OXSR1: variants seen among roughly 807,000 people sequenced by gnomAD.
OXSR1 encodes the protein serine/threonine-protein kinase OSR1.
OXSR1 carries 24 observed loss-of-function variants against 79.8 expected under a neutral mutation model. The observed-to-expected ratio is 0.30, with a 90% CI of 0.22 to 0.42. OXSR1 has a LOEUF of 0.42. Among genes scored for constraint, OXSR1 ranks in the 10% least tolerant of loss-of-function variants. The probability of loss-of-function intolerance (pLI) is 1.00; values close to 1 mark genes in which losing one functional copy is unlikely to be tolerated. For synonymous variants in OXSR1, 226 were observed against 209.2 expected, an observed-to-expected ratio of 1.08 and a Z score of -0.69; for missense variants, 430 against 618.4, an observed-to-expected ratio of 0.70 and a Z score of 3.23.
In OXSR1 at chr3:38,216,092, A is replaced by G. The variant is rs199875833; in HGVS notation, c.435-4A>G. The G allele has an allele frequency of 1.9e-5, 26 of 1,377,154 alleles. No homozygotes were observed. The African/African-American group carries it at 3.5e-4, about 18-fold the overall frequency. 85.3% of individuals were successfully genotyped at this position (1,377,154 alleles called of 1,614,324 possible). ...GATACATAACTTTTTTTTTTTTTTTAAAGAGATGTGAAAGCTGGAAACATT... is the reference window on the plus strand; with the variant it reads ...GATACATAACTTTTTTTTTTTTTTTGAAGAGATGTGAAAGCTGGAAACATT... On this transcript the variant is annotated splice_region_variant and splice_polypyrimidine_tract_variant and intron_variant, in intron 4 of 17. Coordinates refer to ENST00000311806, the MANE Select transcript of OXSR1 (RefSeq NM_005109.3).
intron 11 of OXSR1, among the ~76,000 whole-genome samples, chr3:38,241,195 A>G (rs1287846820): frequency 6.6e-6 from 1 of 152,204 alleles, no homozygotes. Context: ...CATGGGATAC[A>G]GTAAGAAGGA....
intron 4 of OXSR1, among the ~76,000 whole-genome samples, chr3:38,206,842 A>G (rs1266987732): frequency 6.6e-6 from 1 of 152,222 alleles, no homozygotes. Flanking sequence ...GACTGCCTAG[A>G]TTCAGATCCC....
At chr3:38,236,520 C>A in intron 10 of OXSR1, 1 of 173,800 alleles carries the variant, frequency 5.8e-6, no homozygotes. Flanking sequence ...ATTTTGAGCA[C>A]CCAAAACCTC....
chr3:38,217,555 T>C (rs1183081963), intron 5 of OXSR1, among the ~76,000 whole-genome samples: 1 of 152,162 alleles, frequency 6.6e-6, no homozygotes, highest in African/African-American at 2.4e-5. Context: ...TTTGAGACAG[T>C]CTCGCTCTGT....
chr3:38,252,660 C>G (rs928964830), intron 17 of OXSR1, among the ~76,000 whole-genome samples, 157 bp from the exon 18 acceptor site: 1 of 152,170 alleles, frequency 6.6e-6, no homozygotes, highest in African/African-American at 2.4e-5. Context: ...ACCCAGCCCC[C>G]CTCTTTTCTG....
In OXSR1 at chr3:38,249,971, C is replaced by A; in HGVS notation, c.1328C>A (p.Ser443Tyr). The A allele has an allele frequency of 6.3e-7, 1 of 1,576,300 alleles. No homozygotes were observed. ...CATTCTGCTTTCTTTCATAGGAATT[C>A]CAAAAAAGAACTAAATGATATTCGA... ...PISLVLRLRN[S>Y]KKELNDIRFE... Residue 443 changes from serine to tyrosine, a missense_variant, in exon 15 of 18, where the codon TCC becomes TAC. Physicochemically the swap from Ser to Tyr is moderately radical, Grantham distance 144 (BLOSUM62 -2). Coordinates refer to ENST00000311806, the MANE Select transcript of OXSR1 (RefSeq NM_005109.3).
intron 2 of OXSR1, among the ~76,000 whole-genome samples, chr3:38,188,605 A>G (rs1701926706): frequency 6.6e-6 from 1 of 152,172 alleles, no homozygotes; most frequent in South Asian, 2.1e-4. Flanking sequence ...TCCAAGGGTA[A>G]TTTATGAAAA....
intron 4 of OXSR1, 28 bp from the exon 5 acceptor site, chr3:38,216,068 A>G (rs760469522): frequency 2.9e-6 from 4 of 1,393,776 alleles, no homozygotes; most frequent in Admixed American, 3.8e-5. Context: ...ATGTTTTTTG[A>G]TACATAACTT....
At chr3:38,172,881 G>A (rs1483108901) in intron 1 of OXSR1, among the ~76,000 whole-genome samples, 2 of 152,226 alleles carry the variant, frequency 1.3e-5, no homozygotes, top group East Asian at 3.8e-4. Context: ...GGAGGTGGCA[G>A]CCTAGGTGCT....
At position 38,177,333 on chromosome 3, in the gene OXSR1, A is replaced by G. The variant is rs116539547; in HGVS notation, c.71-5670A>G. Among the ~76,000 whole-genome samples the G allele has an allele frequency of 7.6e-3, 1,160 of 152,286 alleles. 15 individuals are homozygous for G. Among genetic ancestry groups the G allele is most frequent in the African/African-American group, 0.026 (1,083 of 41,556 alleles). ...TAATTAAGAGAGGATGGGATCTGAG[A>G]GGGAGGGAACTTAATGGCAAACACT... On this transcript the variant is annotated intron_variant, in intron 1 of 17. Transcript: ENST00000311806.
At chr3:38,252,228 C>T (rs1288121010) in intron 16 of OXSR1, 100 bp from the exon 17 acceptor site, 8 of 817,292 alleles carry the variant, frequency 9.8e-6, no homozygotes, top group Admixed American at 5.2e-5. Flanking sequence ...TTTGATTGTA[C>T]GGAGCATATT....
chr3:38,201,342 G>T (rs2125821588), intron 4 of OXSR1, among the ~76,000 whole-genome samples: 1 of 151,480 alleles, frequency 6.6e-6, no homozygotes, highest in South Asian at 2.1e-4. Context: ...CGGGCGGATT[G>T]CTTGAGCCCA....
chr3:38,241,351 G>A (rs1403278318), intron 11 of OXSR1, among the ~76,000 whole-genome samples: 1 of 152,014 alleles, frequency 6.6e-6, no homozygotes, highest in African/African-American at 2.4e-5. Flanking sequence ...TCTAAGAAAC[G>A]TGAAAACTAC....
intron 4 of OXSR1, among the ~76,000 whole-genome samples, chr3:38,205,573 G>T (rs910216593): frequency 1.3e-5 from 2 of 152,188 alleles, no homozygotes; most frequent in African/African-American, 4.8e-5. Flanking sequence ...TATCTAGACT[G>T]CTACAACAGG....
intron 16 of OXSR1, 58 bp downstream of exon 16, chr3:38,251,529 A>AT (rs1703256813): frequency 7.3e-7 from 1 of 1,366,874 alleles, no homozygotes; most frequent in Non-Finnish European, 1.0e-6. Flanking sequence ...TACTTAGTAC[A>AT]TAGAAAAGCA....
At chr3:38,171,439 A>T (rs1339060833) in intron 1 of OXSR1, among the ~76,000 whole-genome samples, 1 of 152,234 alleles carries the variant, frequency 6.6e-6, no homozygotes, top group Non-Finnish European at 1.5e-5. Flanking sequence ...TATTCTAGAG[A>T]AATCAGTGTA....
intron 11 of OXSR1, among the ~76,000 whole-genome samples, chr3:38,240,504 T>C (rs78131233): frequency 0.011 from 1,659 of 152,198 alleles, 22 homozygotes; most frequent in Middle Eastern, 0.031. Context: ...ATTTCTCAGC[T>C]TTGTCCACTG....
intron 11 of OXSR1, among the ~76,000 whole-genome samples, chr3:38,237,754 T>A (rs1398675121): frequency 6.6e-6 from 1 of 152,190 alleles, no homozygotes; most frequent in African/African-American, 2.4e-5. Context: ...AAAAATCGAT[T>A]AAGCTCTAAG....
At chr3:38,250,820 G>A (rs534891831) in intron 15 of OXSR1, among the ~76,000 whole-genome samples, 41 of 152,182 alleles carry the variant, frequency 2.7e-4, no homozygotes, top group African/African-American at 8.2e-4. Context: ...TGTCTCCACC[G>A]CAGTCCTCCT....
Sources: gnomAD v4.1 joint callset for allele counts (sites outside exome capture counted in the v4.1 genomes callset) on GRCh38, gnomAD v4.1.1 for gene constraint, MANE v1.5 for transcripts, NCBI Gene and HGNC (gene_info 2026-07-23, HGNC 2026-07-21) for gene names.